The following PARP11 variants were observed in gnomAD, a reference collection of about 807,000 sequenced individuals.
PARP11 encodes the protein poly(ADP-ribose) polymerase family member 11, also known as protein mono-ADP-ribosyltransferase PARP11.
In PARP11, 31 loss-of-function variants were observed where a neutral mutation model predicts 42.9. The ratio of observed to expected loss-of-function variants is 0.72; its 90% confidence interval spans 0.54 to 0.98. The LOEUF (loss-of-function observed/expected upper bound fraction) is 0.98. Among genes scored for constraint, PARP11 ranks in the 50% least tolerant of loss-of-function variants. PARP11 has a pLI of 0.00. For synonymous variants in PARP11, 137 were observed against 127.3 expected (o/e 1.08, Z -0.51); for missense variants, 365 against 413.1 (o/e 0.88, Z 1.01).
At chr12:3,839,100 T>C (rs944311054) in intron 1 of PARP11, among the ~76,000 whole-genome samples, 55 of 151,716 alleles carry the variant, frequency 3.6e-4, no homozygotes, top group African/African-American at 1.2e-3. Context: ...CGGACAGCCA[T>C]GCATTAGGCA....
At chr12:3,842,007 G>A in intron 1 of PARP11, 2 of 1,611,064 alleles carry the variant, frequency 1.2e-6, no homozygotes, top group South Asian at 2.2e-5. Context: ...AGACACGAAA[G>A]GCAGATATGG....
Position 3,814,072 on chromosome 12 carries a change from C to G in PARP11, c.665G>C (p.Arg222Thr). The change falls in exon 7 of 8, where the codon AGA becomes ACA. Residue 222 changes from arginine to threonine, a missense_variant. Coordinates refer to ENST00000228820, the MANE Select transcript of PARP11 (RefSeq NM_020367.6). The stretch of plus-strand genomic sequence containing the variant: ...GACAGCACCATGTATACCATTTATT[C>G]TCCAATCAAAGTTATGAATGCAGAT... ...EAICIHNFDW[R>T]INGIHGAVFG... The G allele has an allele frequency of 1.2e-6, 2 of 1,604,962 alleles. No homozygotes were observed. Among genetic ancestry groups the G allele is most frequent in the Non-Finnish European group, 1.7e-6 (2 of 1,174,358 alleles).
At position 3,860,669 on chromosome 12, in the gene PARP11, A is replaced by G. The variant is rs79467007; in HGVS notation, c.18+12543T>C. On this transcript the variant is annotated intron_variant, in intron 1 of 7. Transcript: ENST00000228820. Reference sequence around the variant, plus strand: ...CACCACTATATTTTTTAACTTTTTAATTTTTTTAGAGACAGGGTCTTGCTC... The same window carrying G: ...CACCACTATATTTTTTAACTTTTTAGTTTTTTTAGAGACAGGGTCTTGCTC... 0.017 allele frequency among the ~76,000 whole-genome samples: 2,620 copies of G among 151,862 alleles called. 139 individuals carry two copies. The South Asian group carries it at 0.18, about 10-fold the overall frequency.
rs1181076996 is a variant in PARP11, at chr12:3,873,388, C to G, written c.-159G>C. The G allele has an allele frequency of 2.3e-5, 16 of 683,838 alleles. No homozygotes were observed. The highest frequency in any genetic ancestry group is 4.1e-5 in the Non-Finnish European group (16 of 385,718). 42.4% of individuals were successfully genotyped at this position (683,838 alleles called of 1,614,324 possible). A position where few individuals can be genotyped will look rare whatever the true frequency, so the allele number is the denominator to read the frequency against. On this transcript the variant is annotated 5_prime_UTR_variant, in exon 1 of 8. Coordinates refer to ENST00000228820, the MANE Select transcript of PARP11 (RefSeq NM_020367.6). ...CCTCCCCCTCCCTGTCACAAGCCAGCGTTTACAGACCACCCAACCTCCCGA... is the reference window on the plus strand; with the variant it reads ...CCTCCCCCTCCCTGTCACAAGCCAGGGTTTACAGACCACCCAACCTCCCGA...
intron 1 of PARP11, among the ~76,000 whole-genome samples, chr12:3,860,078 G>A (rs1156578908): frequency 1.3e-5 from 2 of 152,306 alleles, no homozygotes; most frequent in African/African-American, 2.4e-5. Flanking sequence ...AGTACTTAAA[G>A]ATGCAGAAAA....
At chr12:3,824,453 A>C (rs1005986272) in intron 4 of PARP11, 1 of 178,508 alleles carries the variant, frequency 5.6e-6, no homozygotes, top group African/African-American at 2.4e-5. Flanking sequence ...ACAGCCTTAA[A>C]GAACTCCTTG....
Position 3,814,126 on chromosome 12 carries a change from T to A in PARP11, c.611A>T (p.His204Leu). Residue 204 changes from histidine (H) to leucine (L), a missense_variant, in exon 7 of 8, where the codon CAT becomes CTT. His to Leu is a moderately conservative substitution (Grantham distance 99). Coordinates refer to ENST00000228820, the MANE Select transcript of PARP11 (RefSeq NM_020367.6). ...TTCCACAAATTCACTGCTGGTACCA[T>A]GAAACAGCATTTGTTCATTAATCTG... ...VPQINEQMLFHGTSSEFVEAI... is the reference protein window; with the variant it reads ...VPQINEQMLFLGTSSEFVEAI... 6.2e-7 allele frequency: 1 copy of A among 1,609,444 alleles called. No homozygotes were observed.
At chr12:3,855,753 T>C (rs1185675988) in intron 1 of PARP11, among the ~76,000 whole-genome samples, 4 of 152,172 alleles carry the variant, frequency 2.6e-5, no homozygotes, top group Non-Finnish European at 4.4e-5. Flanking sequence ...AATGACATTC[T>C]TCACAGAATT....
chr12:3,811,462 AGAG>A lies in PARP11; in HGVS notation c.*658_*660del, dbSNP rs1426603888. 3 of 152,374 alleles carry A rather than the reference AGAG, an allele frequency of 2.0e-5. No homozygotes were observed. Among genetic ancestry groups the A allele is most frequent in the African/African-American group, 7.2e-5 (3 of 41,580 alleles). The allele number at this position is 152,374 out of a possible 1,614,324, so 9.4% of individuals were successfully genotyped here. On this transcript the variant is annotated 3_prime_UTR_variant, in exon 8 of 8. Coordinates refer to ENST00000228820, the MANE Select transcript of PARP11 (RefSeq NM_020367.6). ...AATTATCAATTCAGATGTGGGAGACAGAGGAGAATGACAGGATCAAGTCTGAGG... is the reference window on the plus strand; with the variant it reads ...AATTATCAATTCAGATGTGGGAGACAGAGAATGACAGGATCAAGTCTGAGG...
chr12:3,849,098 A>G (rs780996986), intron 1 of PARP11, among the ~76,000 whole-genome samples: 1 of 152,230 alleles, frequency 6.6e-6, no homozygotes, highest in African/African-American at 2.4e-5. Flanking sequence ...ATGCAAACCA[A>G]AACCACAATG....
chr12:3,844,787 C>A (rs1039734509), intron 1 of PARP11, among the ~76,000 whole-genome samples: 1 of 152,168 alleles, frequency 6.6e-6, no homozygotes, highest in Non-Finnish European at 1.5e-5. Context: ...AATAAAAGAA[C>A]TGACTTTTGA....
At chr12:3,830,571 C>T (rs1285275735) in intron 1 of PARP11, among the ~76,000 whole-genome samples, 1 of 152,172 alleles carries the variant, frequency 6.6e-6, no homozygotes, top group Non-Finnish European at 1.5e-5. Flanking sequence ...AATGTTTACA[C>T]ACATATATAG....
At chr12:3,819,990 T>C (rs565584046) in intron 6 of PARP11, among the ~76,000 whole-genome samples, 34 of 152,290 alleles carry the variant, frequency 2.2e-4, no homozygotes, top group African/African-American at 7.7e-4. Flanking sequence ...CCTATCCAAC[T>C]GGTGTCTGGG....
At chr12:3,824,602 T>C in intron 4 of PARP11, 2 of 980,328 alleles carry the variant, frequency 2.0e-6, no homozygotes, top group Non-Finnish European at 2.4e-6. Context: ...TCTCCTTTTA[T>C]TATTATCTTG....
At chr12:3,843,544 G>A (rs1207930866) in intron 1 of PARP11, among the ~76,000 whole-genome samples, 4 of 152,136 alleles carry the variant, frequency 2.6e-5, no homozygotes, top group Non-Finnish European at 5.9e-5. Flanking sequence ...TGGAACTATC[G>A]TATAGAAGAT....
chr12:3,839,389 C>G (rs2138068350), intron 1 of PARP11: 1 of 1,559,604 alleles, frequency 6.4e-7, no homozygotes, highest in Non-Finnish European at 8.7e-7. Flanking sequence ...CGCCTATCTG[C>G]GGAAACTGGG....
chr12:3,852,351 G>T (rs1000702389), intron 1 of PARP11, among the ~76,000 whole-genome samples: 2 of 152,176 alleles, frequency 1.3e-5, no homozygotes, highest in Non-Finnish European at 2.9e-5. Context: ...GCTAAAGGAA[G>T]ATGTTTGAAC....
At chr12:3,843,199 T>C (rs1286877807) in intron 1 of PARP11, among the ~76,000 whole-genome samples, 2 of 152,230 alleles carry the variant, frequency 1.3e-5, no homozygotes, top group Non-Finnish European at 2.9e-5. Flanking sequence ...TTGGTATTTG[T>C]TGAGATTGCA....
rs528689578 is a variant in PARP11 at position 3,869,890 on chromosome 12, C to T, written c.18+3322G>A. Among the ~76,000 whole-genome samples the T allele has an allele frequency of 3.9e-5, 6 of 152,310 alleles. No homozygotes were observed. The South Asian group carries it at 6.2e-4, about 16-fold the overall frequency. ...GGACTTCGCACTAACTAGCTTATAA[C>T]AGGTGCTCAATAAATAAGTGAGTGA... On this transcript the variant is annotated intron_variant, in intron 1 of 7. Coordinates refer to ENST00000228820, the MANE Select transcript of PARP11 (RefSeq NM_020367.6).
Sources: allele counts gnomAD v4.1 joint callset (sites outside exome capture counted in the v4.1 genomes callset), GRCh38; gene constraint gnomAD v4.1.1; transcripts MANE v1.5; gene names NCBI Gene and HGNC (gene_info 2026-07-23, HGNC 2026-07-21).